The following ANKRD30B variants were observed in gnomAD, a reference collection of about 807,000 sequenced individuals.
ANKRD30B encodes ankyrin repeat domain-containing protein 30B.
ANKRD30B carries 144 observed loss-of-function variants against 202.2 expected under a neutral mutation model. That is an observed-to-expected ratio of 0.71 (90% confidence interval 0.62 to 0.82). The LOEUF (loss-of-function observed/expected upper bound fraction) is 0.82, where lower values mean the gene tolerates loss of function less well. ANKRD30B is among the 40% of genes least tolerant of loss of function. ANKRD30B has a pLI of 0.00. For missense variants in ANKRD30B, 1,487 were observed against 1,669.1 expected (o/e 0.89, Z 1.90); for synonymous variants, 508 against 561.3 (o/e 0.91, Z 1.34).
At chr18:14,888,585 A>T in the ANKRD30B span, 2 of 368,734 alleles carry the variant, frequency 5.4e-6, no homozygotes. Context: ...TCAGTTTTTC[A>T]GTAGTTTTCC....
intron 7 of ANKRD30B, among the ~76,000 whole-genome samples, chr18:14,766,750 A>T (rs1354455409): frequency 6.6e-6 from 1 of 152,138 alleles, no homozygotes; most frequent in Non-Finnish European, 1.5e-5. Flanking sequence ...GATGCAGAAG[A>T]TGTAGAATAA....
the ANKRD30B span, chr18:14,877,698 C>A: frequency 1.3e-5 from 2 of 152,044 alleles, no homozygotes; most frequent in African/African-American, 4.8e-5. Flanking sequence ...GACTGGGGCT[C>A]CTTGGTCTGT....
rs1440970341 is a variant in ANKRD30B at position 14,764,018 on chromosome 18, GT to G, written c.1157del (p.Leu386TrpfsTer8). The part of the protein sequence containing the change: ...VAGVTPNKTE[V>X]LEKGTSNMIA... The stretch of plus-strand genomic sequence containing the variant: ...AGGAGTAACACCTAATAAAACTGAA[GT>G]TTTGGAAAAAGGAACATCTAATATG... On this transcript the variant is annotated frameshift_variant, in exon 7 of 44. Transcript: ENST00000690538. LOFTEE classifies it high-confidence loss of function. 1 of 1,571,698 alleles carries G rather than the reference GT, an allele frequency of 6.4e-7. No homozygotes were observed. The highest frequency in any genetic ancestry group is 1.4e-5 in the African/African-American group (1 of 71,876).
chr18:14,816,468 A>AC (rs1970110961), intron 30 of ANKRD30B: 1 of 151,704 alleles, frequency 6.6e-6, no homozygotes, highest in Admixed American at 6.6e-5. Context: ...ACATGGTGAA[A>AC]CCCCGTCTCT....
the ANKRD30B span, among the ~76,000 whole-genome samples, chr18:14,922,374 G>A: frequency 2.0e-5 from 3 of 152,072 alleles, no homozygotes; most frequent in Non-Finnish European, 2.9e-5. Context: ...TCTAGGTCAC[G>A]GCTGGGCGTG....
At chr18:14,847,092 A>ATATATG (rs1248540502) in intron 39 of ANKRD30B, among the ~76,000 whole-genome samples, 38 of 98,642 alleles carry the variant, frequency 3.9e-4, no homozygotes, top group Non-Finnish European at 7.9e-4. Flanking sequence ...ATATATATAT[A>ATATATG]TGTATAATGT....
At chr18:14,819,862 A>G (rs1970321047) in intron 30 of ANKRD30B, among the ~76,000 whole-genome samples, 1 of 152,184 alleles carries the variant, frequency 6.6e-6, no homozygotes, top group African/African-American at 2.4e-5. Flanking sequence ...TTTTGGTTCC[A>G]TATGAACTTT....
intron 32 of ANKRD30B, among the ~76,000 whole-genome samples, chr18:14,823,857 C>G (rs1024005596): frequency 6.6e-6 from 1 of 152,132 alleles, no homozygotes; most frequent in African/African-American, 2.4e-5. Flanking sequence ...TGCCTGTAAT[C>G]TCAGCTACTC....
chr18:14,755,167 G>T (rs1914138797), intron 4 of ANKRD30B, among the ~76,000 whole-genome samples, 162 bp downstream of exon 4: 1 of 151,908 alleles, frequency 6.6e-6, no homozygotes, highest in Admixed American at 6.6e-5. Context: ...TATTTGGACT[G>T]GTCAACATAA....
chr18:14,798,062 G>A (rs1465511127), intron 20 of ANKRD30B, among the ~76,000 whole-genome samples: 1 of 152,160 alleles, frequency 6.6e-6, no homozygotes, highest in Non-Finnish European at 1.5e-5. Flanking sequence ...TTTGCCTCAT[G>A]TGGATATCTG....
intron 32 of ANKRD30B, among the ~76,000 whole-genome samples, chr18:14,827,843 A>G (rs1970728730): frequency 6.6e-6 from 1 of 152,162 alleles, no homozygotes; most frequent in African/African-American, 2.4e-5. Context: ...GCAGAGATCA[A>G]ATTGTGATAA....
At chr18:14,893,534 C>T in the ANKRD30B span, among the ~76,000 whole-genome samples, 1 of 152,032 alleles carries the variant, frequency 6.6e-6, no homozygotes, top group African/African-American at 2.4e-5. Context: ...TCATTTGAAC[C>T]TGGGATGCGG....
chr18:14,830,124 G>C (rs1970838086), intron 33 of ANKRD30B: 2 of 154,692 alleles, frequency 1.3e-5, no homozygotes, highest in Non-Finnish European at 2.9e-5. Context: ...TCTGTGCTTA[G>C]ATGAGCTAAA....
At chr18:14,784,185 T>A (rs1598612693) in intron 12 of ANKRD30B, 151 bp from the exon 13 acceptor site, 1 of 747,608 alleles carries the variant, frequency 1.3e-6, no homozygotes. Flanking sequence ...CATGTGTGTG[T>A]CCTAAACAAA....
At chr18:14,910,767 C>T in the ANKRD30B span, among the ~76,000 whole-genome samples, 1 of 152,116 alleles carries the variant, frequency 6.6e-6, no homozygotes, top group Non-Finnish European at 1.5e-5. Context: ...GTTCTCTTTT[C>T]CCTGCATCCT....
chr18:14,831,621 G>T (rs1345406752), intron 34 of ANKRD30B, among the ~76,000 whole-genome samples, 166 bp downstream of exon 34: 2 of 148,102 alleles, frequency 1.4e-5, no homozygotes, highest in Admixed American at 6.8e-5. Context: ...GATTTAAACA[G>T]TTTTTTTTTT....
the ANKRD30B span, among the ~76,000 whole-genome samples, chr18:14,921,254 G>A: frequency 6.6e-6 from 1 of 151,950 alleles, no homozygotes; most frequent in Non-Finnish European, 1.5e-5. Flanking sequence ...GGTGGGTGTA[G>A]AGGGCAGGAG....
rs554066576 is a variant in ANKRD30B, at chr18:14,754,824, A to G, written c.511-75A>G. 1,164 of 1,007,648 alleles carry G rather than the reference A, an allele frequency of 1.2e-3. 16 individuals carry two copies. In the Middle Eastern group the frequency reaches 0.016, roughly 14 times the overall value. 62.4% of individuals were successfully genotyped at this position (1,007,648 alleles called of 1,614,324 possible). A position where few individuals can be genotyped will look rare whatever the true frequency, so the allele number is the denominator to read the frequency against. On this transcript the variant is annotated intron_variant, in intron 3 of 43. Coordinates refer to ENST00000690538, the MANE Select transcript of ANKRD30B (RefSeq NM_001367607.2). Reference sequence around the variant, plus strand: ...TACTTTATGTGTTTAAGTTAATAGGATATAATATAAGGTATTCAGTTCAGC... The same window carrying G: ...TACTTTATGTGTTTAAGTTAATAGGGTATAATATAAGGTATTCAGTTCAGC...
intron 30 of ANKRD30B, among the ~76,000 whole-genome samples, chr18:14,819,352 A>G (rs1322655618): frequency 6.6e-6 from 1 of 151,478 alleles, no homozygotes; most frequent in African/African-American, 2.4e-5. Flanking sequence ...GCTGTGCAGA[A>G]GCTCTTTAGT....
Sources: gnomAD v4.1 joint callset for allele counts (sites outside exome capture counted in the v4.1 genomes callset) on GRCh38, gnomAD v4.1.1 for gene constraint, MANE v1.5 for transcripts, NCBI Gene and HGNC (gene_info 2026-07-23, HGNC 2026-07-21) for gene names.